The following ABCD3 variants were observed in gnomAD, a reference collection of about 807,000 sequenced individuals.
ABCD3 encodes the protein ATP binding cassette subfamily D member 3.
Under a neutral mutation model 105.5 loss-of-function variants are expected in ABCD3, and 41 were observed. That is an observed-to-expected ratio of 0.39 (90% CI 0.30 to 0.50). The LOEUF (loss-of-function observed/expected upper bound fraction) is 0.50, where lower values mean the gene tolerates loss of function less well. ABCD3 is among the 20% of genes least tolerant of loss of function. The pLI is 0.84. For missense variants in ABCD3, 622 were observed against 806.3 expected (o/e 0.77, Z 2.77); for synonymous variants, 258 against 269.0 (o/e 0.96, Z 0.40).
the ABCD3 span, among the ~76,000 whole-genome samples, chr1:94,409,738 A>G: frequency 5.9e-5 from 9 of 152,206 alleles, no homozygotes; most frequent in African/African-American, 2.2e-4. Context: ...TGGGTAGCAC[A>G]TAGTGGTACA....
At chr1:94,514,175 C>G (rs974773044) in intron 21 of ABCD3, 1 of 151,976 alleles carries the variant, frequency 6.6e-6, no homozygotes, top group African/African-American at 2.4e-5. Flanking sequence ...GAACAGTGAC[C>G]CAGAGTGGGG....
chr1:94,504,755 A>T (rs1570832557), intron 20 of ABCD3, among the ~76,000 whole-genome samples: 5 of 152,170 alleles, frequency 3.3e-5, no homozygotes, highest in Admixed American at 1.3e-4. Flanking sequence ...TTTGTGAAAG[A>T]TGTTCTCTGG....
At chr1:94,474,528 A>G (rs1295921772) in intron 5 of ABCD3, among the ~76,000 whole-genome samples, 1 of 152,184 alleles carries the variant, frequency 6.6e-6, no homozygotes, top group Non-Finnish European at 1.5e-5. Flanking sequence ...TTCTTGTTTA[A>G]TAAAGCTGGA....
rs565779829 is a variant in ABCD3 at position 94,488,392 on chromosome 1, T to G, written c.1157+409T>G. ...AGATGAATAGAAATGAAGTTGACTTTAATGGGAAAAAAAATGAGATGTTAT... is the reference window on the plus strand; with the variant it reads ...AGATGAATAGAAATGAAGTTGACTTGAATGGGAAAAAAAATGAGATGTTAT... On this transcript the variant is annotated intron_variant, in intron 13 of 22. Coordinates refer to ENST00000370214, the MANE Select transcript of ABCD3 (RefSeq NM_002858.4). 2.0e-5 allele frequency among the ~76,000 whole-genome samples: 3 copies of G among 152,166 alleles called. No individual in the cohort carries two copies. The South Asian group carries it at 6.2e-4, about 32-fold the overall frequency.
At chr1:94,407,851 A>G in the ABCD3 span, among the ~76,000 whole-genome samples, 1 of 152,272 alleles carries the variant, frequency 6.6e-6, no homozygotes, top group Non-Finnish European at 1.5e-5. Context: ...AACAACAAAC[A>G]AAAAATAATA....
At chr1:94,418,358 C>T (rs72559437), upstream of ABCD3, 245 of 855,982 alleles carry the variant, frequency 2.9e-4, 1 homozygote, top group African/African-American at 4.1e-3. Flanking sequence ...GGGGGCGGTC[C>T]TGCGCGGCCG....
At chr1:94,392,007 G>C in the ABCD3 span, among the ~76,000 whole-genome samples, 1,778 of 152,250 alleles carry the variant, frequency 0.012, 15 homozygotes, top group Non-Finnish European at 0.018. Context: ...TGGTCCTTTC[G>C]TTACTTGAGC....
chr1:94,398,523 T>TCCACCC, the ABCD3 span, among the ~76,000 whole-genome samples: 1 of 152,190 alleles, frequency 6.6e-6, no homozygotes, highest in Admixed American at 6.5e-5. Flanking sequence ...TTAGGTCAGC[T>TCCACCC]CCACCCCCAC....
chr1:94,473,446 G>A (rs1027216601), intron 4 of ABCD3, among the ~76,000 whole-genome samples: 8 of 152,026 alleles, frequency 5.3e-5, no homozygotes, highest in African/African-American at 1.9e-4. Flanking sequence ...GGACTATAAA[G>A]TTGTTAATTG....
intron 7 of ABCD3, 42 bp downstream of exon 7, chr1:94,475,779 T>C (rs777832719): frequency 1.3e-6 from 2 of 1,514,512 alleles, no homozygotes; most frequent in Non-Finnish European, 1.8e-6. Context: ...GTTTAATTTT[T>C]TGAATTTTGA....
intron 16 of ABCD3, among the ~76,000 whole-genome samples, chr1:94,495,526 C>T (rs1386850686): frequency 6.6e-6 from 1 of 152,032 alleles, no homozygotes; most frequent in Non-Finnish European, 1.5e-5. Flanking sequence ...TACCAAATGC[C>T]GTGAAGTAAA....
intron 1 of ABCD3, among the ~76,000 whole-genome samples, chr1:94,441,628 G>A (rs1413118247): frequency 6.6e-6 from 1 of 152,126 alleles, no homozygotes; most frequent in African/African-American, 2.4e-5. Context: ...ATAAACTATG[G>A]TACTTACACA....
In ABCD3 at chr1:94,473,786, G is replaced by A. The variant is rs905300595; in HGVS notation, c.356G>A (p.Arg119Lys). The A allele has an allele frequency of 6.2e-7, 1 of 1,612,604 alleles. No homozygotes were observed. Among genetic ancestry groups the A allele is most frequent in the African/African-American group, 1.3e-5 (1 of 74,640 alleles). The part of the protein sequence containing the change: ...LIESGIIGRS[R>K]KDFKRYLLNF... ...TGCAGTGGTATCATTGGTCGTAGCA[G>A]GAAAGATTTCAAGAGATACTTACTC... The change falls in exon 5 of 23, where the codon AGG becomes AAG. Residue 119 changes from arginine (R) to lysine (K), a missense_variant. Arg to Lys is a conservative substitution (Grantham distance 26, BLOSUM62 2). Coordinates refer to ENST00000370214, the MANE Select transcript of ABCD3 (RefSeq NM_002858.4).
the ABCD3 span, among the ~76,000 whole-genome samples, chr1:94,392,687 GA>G: frequency 6.6e-6 from 1 of 152,166 alleles, no homozygotes; most frequent in African/African-American, 2.4e-5. Context: ...AGTTCTCTCA[GA>G]AGAGGACCAT....
chr1:94,404,704 T>G, the ABCD3 span, among the ~76,000 whole-genome samples: 2 of 152,126 alleles, frequency 1.3e-5, no homozygotes, highest in Non-Finnish European at 2.9e-5. Flanking sequence ...CATCTAGTAT[T>G]ACTTTTCGCA....
At chr1:94,513,559 C>G (rs995103417) in intron 21 of ABCD3, 11 of 152,038 alleles carry the variant, frequency 7.2e-5, no homozygotes, top group Non-Finnish European at 1.2e-4. Flanking sequence ...ACATTAAATA[C>G]AGACAAAACT....
chr1:94,415,098 C>T (rs930537336), upstream of ABCD3, among the ~76,000 whole-genome samples: 3 of 152,162 alleles, frequency 2.0e-5, no homozygotes, highest in African/African-American at 7.2e-5. Flanking sequence ...GCTGGCTTCC[C>T]CAAGAGCAAG....
chr1:94,474,390 A>G (rs1444219095), intron 5 of ABCD3, among the ~76,000 whole-genome samples: 4 of 152,140 alleles, frequency 2.6e-5, no homozygotes, highest in Admixed American at 6.6e-5. Flanking sequence ...AGTCTAAAAT[A>G]TAAGTGATTT....
chr1:94,389,144 A>AATAATCT, the ABCD3 span, among the ~76,000 whole-genome samples: 1 of 152,266 alleles, frequency 6.6e-6, no homozygotes, highest in East Asian at 1.9e-4. Context: ...TAGTAGGCCC[A>AATAATCT]GATAAAATAT....
Sources: allele counts gnomAD v4.1 joint callset (sites outside exome capture counted in the v4.1 genomes callset), GRCh38; gene constraint gnomAD v4.1.1; transcripts MANE v1.5; gene names NCBI Gene and HGNC (gene_info 2026-07-23, HGNC 2026-07-21).